MEMO1: variants seen among roughly 807,000 people sequenced by gnomAD.
MEMO1 encodes protein MEMO1.
Under a neutral mutation model 45.2 loss-of-function variants are expected in MEMO1, and 6 were observed. That is an observed-to-expected ratio of 0.13 (90% CI 0.07 to 0.26). The LOEUF (loss-of-function observed/expected upper bound fraction) is 0.26. MEMO1 is among the 10% of genes least tolerant of loss of function. The probability of loss-of-function intolerance (pLI) is 1.00; values close to 1 mark genes in which losing one functional copy is unlikely to be tolerated. For missense variants in MEMO1, 184 were observed against 370.5 expected (o/e 0.50, Z 4.13); for synonymous variants, 78 against 124.3 (o/e 0.63, Z 2.48).
intron 4 of MEMO1, among the ~76,000 whole-genome samples, chr2:31,928,090 T>C (rs1683375466): frequency 6.6e-6 from 1 of 152,228 alleles, no homozygotes; most frequent in Non-Finnish European, 1.5e-5. Flanking sequence ...ATGCTTTAAT[T>C]TATTCATCCA....
At chr2:31,886,632 A>G (rs1480552081) in intron 7 of MEMO1, among the ~76,000 whole-genome samples, 2 of 152,174 alleles carry the variant, frequency 1.3e-5, no homozygotes, top group African/African-American at 2.4e-5. Context: ...GAGCAAATAT[A>G]TTTTATTTTT....
At chr2:31,900,750 AT>A (rs1032933293) in intron 6 of MEMO1, among the ~76,000 whole-genome samples, 7 of 152,206 alleles carry the variant, frequency 4.6e-5, no homozygotes, top group Non-Finnish European at 1.0e-4. Context: ...GCATAATGAG[AT>A]TACACTAAAT....
chr2:31,899,657 T>C (rs1678472160), intron 6 of MEMO1, among the ~76,000 whole-genome samples: 3 of 152,214 alleles, frequency 2.0e-5, no homozygotes, highest in Middle Eastern at 3.4e-3. Flanking sequence ...CCAAAAGCAA[T>C]AGCAATAGAA....
chr2:31,975,676 G>C (rs1558547446), intron 2 of MEMO1, among the ~76,000 whole-genome samples: 1 of 152,116 alleles, frequency 6.6e-6, no homozygotes. Context: ...CAAAAATGCT[G>C]AAAATGATGT....
At chr2:31,971,466 G>C (rs1315555439) in intron 2 of MEMO1, among the ~76,000 whole-genome samples, 1 of 152,076 alleles carries the variant, frequency 6.6e-6, no homozygotes, top group Non-Finnish European at 1.5e-5. Flanking sequence ...CTGGGCTCAA[G>C]AGATCCTCCT....
intron 2 of MEMO1, among the ~76,000 whole-genome samples, chr2:32,008,464 A>G (rs1312849394): frequency 6.6e-6 from 1 of 152,148 alleles, no homozygotes; most frequent in East Asian, 1.9e-4. Flanking sequence ...CGCGCCTGTA[A>G]TCTCAGCTAC....
At chr2:31,965,358 A>G (rs2148429693) in intron 2 of MEMO1, among the ~76,000 whole-genome samples, 1 of 152,164 alleles carries the variant, frequency 6.6e-6, no homozygotes, top group Non-Finnish European at 1.5e-5. Context: ...TCTGTGTCAA[A>G]GTAATGTGGT....
chr2:31,958,879 G>A (rs887817597), intron 2 of MEMO1, among the ~76,000 whole-genome samples: 2 of 152,110 alleles, frequency 1.3e-5, no homozygotes, highest in African/African-American at 2.4e-5. Context: ...TAAAACTCCT[G>A]GGCTCAAGCA....
intron 2 of MEMO1, among the ~76,000 whole-genome samples, chr2:31,949,962 G>C (rs1666646933): frequency 6.6e-6 from 1 of 152,022 alleles, no homozygotes; most frequent in Admixed American, 6.6e-5. Context: ...CAATATTTGG[G>C]TGCACCATTA....
rs1290218135 is a variant in MEMO1, at chr2:32,001,916, GGA to G, written c.61+8269_61+8270del. Among the ~76,000 whole-genome samples, 457 of 152,054 alleles carry G rather than the reference GGA, an allele frequency of 3.0e-3. 2 individuals are homozygous for G. Among genetic ancestry groups the G allele is most frequent in the African/African-American group, 0.01 (433 of 41,486 alleles). On this transcript the variant is annotated intron_variant, in intron 2 of 9. Coordinates refer to ENST00000404530, the MANE Select transcript of MEMO1 (RefSeq NM_001301833.4). ...CAATCCCAGCGCCTTGGGAGGCCAA[GGA>G]GGGTGGATCACAAGGTCAGGAGATC... is the stretch of plus-strand genomic sequence containing the variant.
intron 5 of MEMO1, among the ~76,000 whole-genome samples, 193 bp downstream of exon 5, chr2:31,920,605 T>C (rs1175309696): frequency 6.6e-6 from 1 of 152,152 alleles, no homozygotes; most frequent in African/African-American, 2.4e-5. Flanking sequence ...TGTAGCTAGC[T>C]AAAAAACACT....
chr2:31,921,058 A>C, intron 4 of MEMO1, 148 bp from the exon 5 acceptor site: 1 of 562,442 alleles, frequency 1.8e-6, no homozygotes, highest in Non-Finnish European at 3.2e-6. Flanking sequence ...CCCCTCCAAA[A>C]TTCACATGTT....
chr2:31,959,643 A>T (rs62142081), intron 2 of MEMO1, among the ~76,000 whole-genome samples: 3 of 152,212 alleles, frequency 2.0e-5, no homozygotes, highest in Admixed American at 6.5e-5. Context: ...TGGAGAAAGC[A>T]AATGAAAACT....
chr2:31,899,384 A>G (rs1678417551), intron 6 of MEMO1, among the ~76,000 whole-genome samples: 1 of 152,190 alleles, frequency 6.6e-6, no homozygotes, highest in Admixed American at 6.5e-5. Context: ...AATGCCACAC[A>G]CCTACAACCA....
intron 6 of MEMO1, among the ~76,000 whole-genome samples, chr2:31,899,971 C>T (rs1678531953): frequency 6.6e-6 from 1 of 152,082 alleles, no homozygotes; most frequent in Non-Finnish European, 1.5e-5. Context: ...AAATCAAAAC[C>T]ACAGTGTGAT....
chr2:31,904,613 G>C (rs1679399162), intron 6 of MEMO1, among the ~76,000 whole-genome samples: 1 of 152,146 alleles, frequency 6.6e-6, no homozygotes, highest in African/African-American at 2.4e-5. Context: ...TGCTGCCACT[G>C]ATCTCACAGG....
chr2:31,881,132 C>T (rs978111987), intron 8 of MEMO1, among the ~76,000 whole-genome samples: 5 of 152,032 alleles, frequency 3.3e-5, no homozygotes, highest in Non-Finnish European at 7.4e-5. Context: ...TACTCCTTAG[C>T]TAGGTAAGAA....
chr2:31,989,065 G>A (rs972310752), intron 2 of MEMO1, among the ~76,000 whole-genome samples: 1 of 151,998 alleles, frequency 6.6e-6, no homozygotes, highest in African/African-American at 2.4e-5. Context: ...AATTAGCCAG[G>A]CATGGTGGTA....
At chr2:31,939,203 G>C (rs1665316495) in intron 3 of MEMO1, among the ~76,000 whole-genome samples, 1 of 151,422 alleles carries the variant, frequency 6.6e-6, no homozygotes, top group African/African-American at 2.4e-5. Context: ...GTCTTCCTAT[G>C]TTAACGAAAT....
Sources: allele counts gnomAD v4.1 joint callset (sites outside exome capture counted in the v4.1 genomes callset), GRCh38; gene constraint gnomAD v4.1.1; transcripts MANE v1.5; gene names NCBI Gene and HGNC (gene_info 2026-07-23, HGNC 2026-07-21).